Variants in GSDME observed in about 807,000 individuals in gnomAD.
The protein encoded by GSDME is gasdermin E.
A neutral mutation model predicts 47.5 loss-of-function variants in GSDME; 44 were observed. That is an observed-to-expected ratio of 0.93 (90% CI 0.73 to 1.19). The LOEUF (loss-of-function observed/expected upper bound fraction) is 1.19, where lower values mean the gene tolerates loss of function less well. Ranked by LOEUF, GSDME falls within the 50% of genes most tolerant of loss-of-function variation. The probability of loss-of-function intolerance (pLI) is 0.00; values close to 1 mark genes in which losing one functional copy is unlikely to be tolerated. For synonymous variants in GSDME, 258 were observed against 252.8 expected, an observed-to-expected ratio of 1.02 and a Z score of -0.20; for missense variants, 663 against 604.2, an observed-to-expected ratio of 1.10 and a Z score of -1.02.
In GSDME at chr7:24,710,207, T is replaced by TGG; in HGVS notation, c.862+16_862+17insCC. 3 of 1,612,904 alleles carry TGG rather than the reference T, an allele frequency of 1.9e-6. No individual in the cohort carries two copies. The highest frequency in any genetic ancestry group is 2.5e-6 in the Non-Finnish European group (3 of 1,179,956). On this transcript the variant is annotated intron_variant, in intron 6 of 9. Coordinates refer to ENST00000645220, the MANE Select transcript of GSDME (RefSeq NM_001127453.2). ...TTGGCCCTCAACTGCCCACTACTCC[T>TGG]GCCCTGCTGGCAATACCTTGCTTTA...
In GSDME at chr7:24,725,776, G is replaced by A. The variant is rs1283886469; in HGVS notation, c.405-6558C>T. Among the ~76,000 whole-genome samples the A allele has an allele frequency of 1.3e-5, 2 of 152,172 alleles. No homozygotes were observed. The highest frequency in any genetic ancestry group is 2.4e-5 in the African/African-American group (1 of 41,440). ...GACCAGGCCCAGGGTGTGACGCCGG[G>A]CTGTCTGCTTGTGGATTTCATTTCT... is the stretch of plus-strand genomic sequence containing the variant. On this transcript the variant is annotated intron_variant, in intron 3 of 9. Coordinates refer to ENST00000645220, the MANE Select transcript of GSDME (RefSeq NM_001127453.2). The surrounding 1 kb of genome is among the most constrained non-coding windows in gnomAD (Gnocchi z 5.1).
At chr7:24,759,239 T>A (rs1319309969), upstream of GSDME, among the ~76,000 whole-genome samples, 1 of 152,226 alleles carries the variant, frequency 6.6e-6, no homozygotes, top group Non-Finnish European at 1.5e-5. Flanking sequence ...CATCCCCCGC[T>A]AGGGTACTGA....
intron 3 of GSDME, among the ~76,000 whole-genome samples, chr7:24,730,931 C>T (rs1415888614): frequency 6.6e-6 from 1 of 152,208 alleles, no homozygotes. Flanking sequence ...CCCTTCTCTA[C>T]AGGAAGCCAC....
rs1189589933 is a variant in GSDME at position 24,728,391 on chromosome 7, A to G, written c.405-9173T>C. On this transcript the variant is annotated intron_variant, in intron 3 of 9. Coordinates refer to ENST00000645220, the MANE Select transcript of GSDME (RefSeq NM_001127453.2). The surrounding 1 kb of genome is among the most constrained non-coding windows in gnomAD (Gnocchi z 7.2). ...TCTTCGAGATGTTTTCTTATGTGAG[A>G]TAATAACAAATGTTCTTTGCAACCA... is the stretch of plus-strand genomic sequence containing the variant. Among the ~76,000 whole-genome samples, 4 of 152,182 alleles carry G rather than the reference A, an allele frequency of 2.6e-5. No individual in the cohort carries two copies. Among genetic ancestry groups the G allele is most frequent in the African/African-American group, 7.2e-5 (3 of 41,440 alleles).
chr7:24,744,385 G>T lies in GSDME; in HGVS notation c.404+177C>A. 1 of 736,428 alleles carries T rather than the reference G, an allele frequency of 1.4e-6. No individual in the cohort carries two copies. Among genetic ancestry groups the T allele is most frequent in the Non-Finnish European group, 2.3e-6 (1 of 432,092 alleles). 45.6% of individuals were successfully genotyped at this position (736,428 alleles called of 1,614,324 possible). ...TCTCCCCCCACTCAGGCTAAGAACA[G>T]TCAAGCAATTCCAGACTAAAGAATG... is the stretch of plus-strand genomic sequence containing the variant. On this transcript the variant is annotated intron_variant, in intron 3 of 9. Coordinates refer to ENST00000645220, the MANE Select transcript of GSDME (RefSeq NM_001127453.2). This position sits in a 1 kb window ranked among gnomAD's most constrained non-coding sequence, Gnocchi z 4.5.
chr7:24,774,680 A>G, the GSDME span, among the ~76,000 whole-genome samples: 3 of 151,928 alleles, frequency 2.0e-5, no homozygotes, highest in Admixed American at 6.6e-5. Flanking sequence ...TTACAGGCGC[A>G]TGCCACCACA....
At chr7:24,746,141 A>G (rs1247995975) in intron 2 of GSDME, among the ~76,000 whole-genome samples, 2 of 152,242 alleles carry the variant, frequency 1.3e-5, no homozygotes, top group Non-Finnish European at 2.9e-5. Context: ...AGTAATCACC[A>G]TTCAATCACC....
rs1020175639 is a variant in GSDME, at chr7:24,705,875, A to G, written c.1183+309T>C. 7 of 453,088 alleles carry G rather than the reference A, an allele frequency of 1.5e-5. No homozygotes were observed. The highest frequency in any genetic ancestry group is 9.9e-5 in the African/African-American group (5 of 50,378). 28.1% of individuals were successfully genotyped at this position (453,088 alleles called of 1,614,324 possible). A position where few individuals can be genotyped will look rare whatever the true frequency, so the allele number is the denominator to read the frequency against. On this transcript the variant is annotated intron_variant, in intron 8 of 9. Coordinates refer to ENST00000645220, the MANE Select transcript of GSDME (RefSeq NM_001127453.2). The surrounding 1 kb of genome is among the most constrained non-coding windows in gnomAD (Gnocchi z 4.1). ...CTCTGCTGGGACTCCGGAGTGAACCACAGCCTGTCAGGGAGATGCTTGCTT... is the reference window on the plus strand; with the variant it reads ...CTCTGCTGGGACTCCGGAGTGAACCGCAGCCTGTCAGGGAGATGCTTGCTT...
chr7:24,784,647 G>C, the GSDME span, among the ~76,000 whole-genome samples: 2 of 28,558 alleles, frequency 7.0e-5, no homozygotes, highest in Admixed American at 3.9e-4. Flanking sequence ...TTTTTTTTTT[G>C]AGACAGAGTC....
chr7:24,773,454 T>A, the GSDME span, among the ~76,000 whole-genome samples: 2 of 152,232 alleles, frequency 1.3e-5, no homozygotes, highest in African/African-American at 4.8e-5. This position sits in a 1 kb window ranked among gnomAD's most constrained non-coding sequence, Gnocchi z 5.4. Flanking sequence ...TATGACTAAT[T>A]CATTTTAATT....
At chr7:24,708,813 G>A (rs554683892) in intron 6 of GSDME, among the ~76,000 whole-genome samples, 2 of 152,166 alleles carry the variant, frequency 1.3e-5, no homozygotes, top group Non-Finnish European at 2.9e-5. Context: ...GAGTCCTCAA[G>A]CTGAGCACTG....
intron 3 of GSDME, among the ~76,000 whole-genome samples, chr7:24,731,518 G>A (rs533159739): frequency 7.2e-5 from 11 of 152,330 alleles, no homozygotes; most frequent in Admixed American, 1.3e-4. Flanking sequence ...CAAGGACTTC[G>A]CCTCCTTCCT....
intron 8 of GSDME, 36 bp from the exon 9 acceptor site, chr7:24,702,869 AAAC>A (rs1237478813): frequency 3.1e-6 from 5 of 1,590,918 alleles, no homozygotes; most frequent in Non-Finnish European, 4.3e-6. Context: ...CAGTCCAAAA[AAAC>A]AAGTCCATGG....
chr7:24,753,276 T>G (rs1454503606), intron 1 of GSDME, among the ~76,000 whole-genome samples: 3 of 152,180 alleles, frequency 2.0e-5, no homozygotes, highest in African/African-American at 7.2e-5. Flanking sequence ...CTTTCACTCC[T>G]CTCCCCTTCA....
At chr7:24,702,686 G>A (rs1429537478) in intron 9 of GSDME, 74 bp downstream of exon 9, 2 of 1,275,776 alleles carry the variant, frequency 1.6e-6, no homozygotes, top group Middle Eastern at 1.9e-4. Flanking sequence ...TGTTTTACCG[G>A]CTGCTGGATG....
intron 9 of GSDME, among the ~76,000 whole-genome samples, chr7:24,700,216 C>T (rs1788809074): frequency 6.6e-6 from 1 of 152,170 alleles, no homozygotes; most frequent in Non-Finnish European, 1.5e-5. Context: ...GAGCAGGGAC[C>T]TTGTCTGCCG....
At chr7:24,713,128 CT>C (rs1789420487) in intron 5 of GSDME, among the ~76,000 whole-genome samples, 1 of 151,940 alleles carries the variant, frequency 6.6e-6, no homozygotes, top group African/African-American at 2.4e-5. Flanking sequence ...AATTTGAGTA[CT>C]TTTTTGCTAG....
the GSDME span, among the ~76,000 whole-genome samples, chr7:24,787,431 T>C: frequency 1.6e-3 from 239 of 152,326 alleles, 1 homozygote; most frequent in African/African-American, 5.5e-3. This position sits in a 1 kb window ranked among gnomAD's most constrained non-coding sequence, Gnocchi z 5.0. Context: ...CAAATGCTGA[T>C]CCACAAACCG....
upstream of GSDME, chr7:24,758,258 C>T (rs1229809897): frequency 1.3e-5 from 2 of 152,284 alleles, no homozygotes; most frequent in African/African-American, 4.8e-5. The surrounding 1 kb of genome is among the most constrained non-coding windows in gnomAD (Gnocchi z 4.6). Context: ...GTGAACACCG[C>T]GCGCCCCGCA....
Sources: gnomAD v4.1 joint callset for allele counts (sites outside exome capture counted in the v4.1 genomes callset) on GRCh38, gnomAD v4.1.1 for gene constraint, Gnocchi (gnomAD v3.1) non-coding constraint, MANE v1.5 for transcripts, NCBI Gene and HGNC (gene_info 2026-07-23, HGNC 2026-07-21) for gene names.